Variants in PTPRM observed in about 807,000 individuals in gnomAD.
The protein encoded by PTPRM is protein tyrosine phosphatase receptor type M.
A neutral mutation model predicts 186.7 loss-of-function variants in PTPRM; 47 were observed. The ratio of observed to expected loss-of-function variants is 0.25; its 90% CI spans 0.20 to 0.32. The LOEUF is 0.32. PTPRM is among the 10% of genes least tolerant of loss of function. The pLI is 1.00. For synonymous variants in PTPRM, 668 were observed against 674.9 expected, an observed-to-expected ratio of 0.99 and a Z score of 0.16; for missense variants, 1,494 against 1,865.0, an observed-to-expected ratio of 0.80 and a Z score of 3.66.
chr18:8,026,059 G>A (rs2148011242), intron 7 of PTPRM, among the ~76,000 whole-genome samples: 1 of 152,336 alleles, frequency 6.6e-6, no homozygotes, highest in Admixed American at 6.5e-5. Context: ...AAGAGTAAAT[G>A]TTTTCCCACC....
At chr18:7,979,343 G>A (rs1050285666) in intron 7 of PTPRM, among the ~76,000 whole-genome samples, 1 of 152,172 alleles carries the variant, frequency 6.6e-6, no homozygotes, top group African/African-American at 2.4e-5. Flanking sequence ...TGGGATTTGG[G>A]AGGCAGAAAT....
chr18:8,311,134 T>C (rs1396374235), intron 20 of PTPRM, among the ~76,000 whole-genome samples: 8 of 152,028 alleles, frequency 5.3e-5, no homozygotes, highest in Admixed American at 4.6e-4. Context: ...CATGGTGAAA[T>C]CCCATCTCTA....
intron 22 of PTPRM, among the ~76,000 whole-genome samples, chr18:8,337,628 C>T (rs2095447483): frequency 2.0e-5 from 3 of 152,224 alleles, no homozygotes; most frequent in Non-Finnish European, 2.9e-5. Context: ...CAGCACAACT[C>T]ACTTTAAACA....
chr18:7,764,906 C>T (rs540108490), intron 1 of PTPRM, among the ~76,000 whole-genome samples: 1 of 152,192 alleles, frequency 6.6e-6, no homozygotes, highest in Non-Finnish European at 1.5e-5. Context: ...CTCTCGTTTT[C>T]ACTATTGTGG....
At chr18:8,117,161 A>G (rs967829389) in intron 13 of PTPRM, among the ~76,000 whole-genome samples, 1 of 152,198 alleles carries the variant, frequency 6.6e-6, no homozygotes, top group Non-Finnish European at 1.5e-5. Context: ...CTCTTGCAAC[A>G]TGGGAAGCCA....
intron 19 of PTPRM, among the ~76,000 whole-genome samples, chr18:8,268,102 G>C (rs1208606621): frequency 6.6e-6 from 1 of 152,098 alleles, no homozygotes; most frequent in African/African-American, 2.4e-5. Context: ...GGACAATTCA[G>C]TCAGCGTTAG....
chr18:7,577,035 A>C (rs1019273871), intron 1 of PTPRM, among the ~76,000 whole-genome samples: 2 of 152,210 alleles, frequency 1.3e-5, no homozygotes, highest in Admixed American at 1.3e-4. Flanking sequence ...AATTTAAAGA[A>C]GCTCCCTTGG....
intron 14 of PTPRM, among the ~76,000 whole-genome samples, chr18:8,241,054 G>T (rs142356946): frequency 2.0e-5 from 3 of 152,160 alleles, no homozygotes; most frequent in Non-Finnish European, 2.9e-5. Context: ...GTGGCCAGGC[G>T]CAGTGGCTCA....
chr18:7,697,512 A>G (rs2039870600), intron 1 of PTPRM, among the ~76,000 whole-genome samples: 1 of 152,190 alleles, frequency 6.6e-6, no homozygotes, highest in Admixed American at 6.5e-5. Flanking sequence ...CAGTAGGGCG[A>G]TGAAAGAACA....
intron 1 of PTPRM, among the ~76,000 whole-genome samples, chr18:7,762,929 C>T (rs2041843499): frequency 6.6e-6 from 1 of 152,206 alleles, no homozygotes; most frequent in Admixed American, 6.5e-5. Context: ...ACTACACTTT[C>T]ACATACACCT....
chr18:8,269,873 A>C (rs1466182809), intron 19 of PTPRM: 1 of 151,994 alleles, frequency 6.6e-6, no homozygotes, highest in Non-Finnish European at 1.5e-5. Flanking sequence ...ATACTCACAA[A>C]ACTTAACTTG....
intron 7 of PTPRM, among the ~76,000 whole-genome samples, chr18:8,066,660 G>A (rs924738451): frequency 5.9e-5 from 9 of 152,162 alleles, no homozygotes; most frequent in African/African-American, 1.7e-4. Context: ...AAAAGCTTCC[G>A]TAAGATAGTT....
At chr18:7,848,655 C>T (rs2145912608) in intron 2 of PTPRM, among the ~76,000 whole-genome samples, 1 of 151,958 alleles carries the variant, frequency 6.6e-6, no homozygotes, top group South Asian at 2.1e-4. Context: ...CCCAGCTACT[C>T]AGGAAGCTGG....
At chr18:7,831,494 A>G (rs2045757710) in intron 2 of PTPRM, among the ~76,000 whole-genome samples, 1 of 152,144 alleles carries the variant, frequency 6.6e-6, no homozygotes, top group Admixed American at 6.5e-5. Context: ...AAAAATTGTT[A>G]TGGTACATAG....
chr18:7,973,144 G>T (rs1312340376), intron 7 of PTPRM, among the ~76,000 whole-genome samples: 3 of 151,988 alleles, frequency 2.0e-5, no homozygotes, highest in Non-Finnish European at 4.4e-5. Context: ...CTCCTCTCTT[G>T]ATGGATAGTC....
chr18:8,402,845 G>A (rs1216564107), intron 32 of PTPRM: 1 of 152,076 alleles, frequency 6.6e-6, no homozygotes, highest in Non-Finnish European at 1.5e-5. Context: ...CAGTTAAAAA[G>A]TTAAAAAAAT....
chr18:8,323,932 TACC>T (rs1286006433), intron 22 of PTPRM, among the ~76,000 whole-genome samples: 3 of 152,150 alleles, frequency 2.0e-5, no homozygotes, highest in Non-Finnish European at 4.4e-5. Context: ...GTTCATGGAC[TACC>T]CCCACCCCCC....
At chr18:8,167,324 C>A (rs528110874) in intron 14 of PTPRM, among the ~76,000 whole-genome samples, 1 of 152,334 alleles carries the variant, frequency 6.6e-6, no homozygotes, top group African/African-American at 2.4e-5. Context: ...GAGACTCCCA[C>A]AAACAAAGCC....
intron 7 of PTPRM, among the ~76,000 whole-genome samples, chr18:8,003,049 G>A (rs541709791): frequency 5.8e-4 from 89 of 152,302 alleles, no homozygotes; most frequent in South Asian, 2.1e-3. Context: ...GTTACCCAGA[G>A]TGTTTCTCAT....
Sources: gnomAD v4.1 joint callset for allele counts (sites outside exome capture counted in the v4.1 genomes callset) on GRCh38, gnomAD v4.1.1 for gene constraint, MANE v1.5 for transcripts, NCBI Gene and HGNC (gene_info 2026-07-23, HGNC 2026-07-21) for gene names.